The following SAMD5 variants were observed in gnomAD, a reference collection of about 807,000 sequenced individuals.
SAMD5 encodes the protein sterile alpha motif domain-containing protein 5.
In SAMD5, 13 loss-of-function variants were observed where a neutral mutation model predicts 11.3. The ratio of observed to expected loss-of-function variants is 1.15; its 90% CI spans 0.75 to 1.83. The LOEUF is 1.83. Ranked by LOEUF, SAMD5 falls within the 40% of genes most tolerant of loss-of-function variation. The pLI, the probability that SAMD5 is intolerant of heterozygous loss-of-function variation, is 0.00. For synonymous variants in SAMD5, 129 were observed against 111.3 expected (o/e 1.16, Z -1.00); for missense variants, 255 against 239.1 (o/e 1.07, Z -0.44).
At chr6:147,848,153 C>G in the SAMD5 span, among the ~76,000 whole-genome samples, 4 of 152,154 alleles carry the variant, frequency 2.6e-5, 1 homozygote, top group Admixed American at 6.5e-5. Flanking sequence ...TTCTGTTAAG[C>G]TTGTCTTACA....
chr6:147,520,105 G>C (rs1788228769), intron 1 of SAMD5, among the ~76,000 whole-genome samples: 1 of 148,804 alleles, frequency 6.7e-6, no homozygotes, highest in Non-Finnish European at 1.5e-5. Flanking sequence ...AAAATTCTAA[G>C]AGAACTTTAT....
downstream of SAMD5, among the ~76,000 whole-genome samples, chr6:147,571,723 A>G (rs912125465): frequency 2.6e-5 from 4 of 152,180 alleles, no homozygotes; most frequent in Non-Finnish European, 5.9e-5. Context: ...TTCATTTTGG[A>G]AGTTAATTAA....
At chr6:147,559,504 G>T (rs1037583450) in intron 1 of SAMD5, among the ~76,000 whole-genome samples, 2 of 152,260 alleles carry the variant, frequency 1.3e-5, no homozygotes, top group Middle Eastern at 3.4e-3. Flanking sequence ...GTTAGAAACC[G>T]TGTAGAAGCT....
chr6:147,870,797 A>AGAGGGAAGGGGAGGGAGGAG, the SAMD5 span, among the ~76,000 whole-genome samples: 4 of 115,066 alleles, frequency 3.5e-5, no homozygotes, highest in African/African-American at 1.3e-4. Context: ...AAAAAAGGGA[A>AGAGGGAAGGGGAGGGAGGAG]GAGGGAAGGG....
Position 147,563,073 on chromosome 6 carries a change from G to A in SAMD5, c.460-1321G>A, listed in dbSNP as rs116423989. ...ATATATTAAATAGTAGTAGGATATC[G>A]TTACTTAGTATTACAGCAAAATAGG... On this transcript the variant is annotated intron_variant, in intron 1 of 1. Transcript: ENST00000367474. Among the ~76,000 whole-genome samples the A allele has an allele frequency of 9.1e-3, 1,390 of 152,254 alleles. 19 individuals carry two copies. The highest frequency in any genetic ancestry group is 0.031 in the African/African-American group (1,296 of 41,540).
chr6:147,884,477 A>G, the SAMD5 span, among the ~76,000 whole-genome samples: 2 of 152,214 alleles, frequency 1.3e-5, no homozygotes, highest in South Asian at 2.1e-4. Flanking sequence ...ACCTGCCTAC[A>G]GAACTGTAAT....
At chr6:147,800,778 C>T in the SAMD5 span, among the ~76,000 whole-genome samples, 1 of 152,006 alleles carries the variant, frequency 6.6e-6, no homozygotes, top group East Asian at 1.9e-4. Context: ...GAATCAAATC[C>T]ATAAATAATG....
chr6:147,604,530 G>A (rs371848165), intron 1 of SAMD5, among the ~76,000 whole-genome samples: 2 of 152,146 alleles, frequency 1.3e-5, no homozygotes, highest in Non-Finnish European at 2.9e-5. Flanking sequence ...TTTGAAACAC[G>A]TGAGCCCATG....
intron 1 of SAMD5, among the ~76,000 whole-genome samples, chr6:147,587,825 TGTTAAGTTCCTAGAACTTAACCTC>T (rs1437833326): frequency 6.6e-6 from 1 of 152,186 alleles, no homozygotes; most frequent in African/African-American, 2.4e-5. Flanking sequence ...TCACTTATTT[TGTTAAGTTCCTAGAACTTAACCTC>T]CTTTCTCTAT....
At chr6:147,921,663 C>T in the SAMD5 span, among the ~76,000 whole-genome samples, 10 of 152,132 alleles carry the variant, frequency 6.6e-5, no homozygotes, top group African/African-American at 2.4e-4. Context: ...AACCTCCGTG[C>T]ATTGGGAGGT....
chr6:147,728,668 G>A (rs1046332781), intron 1 of SAMD5, among the ~76,000 whole-genome samples: 1 of 151,970 alleles, frequency 6.6e-6, no homozygotes, highest in East Asian at 1.9e-4. Flanking sequence ...AGCAATAGAG[G>A]GAGTTGTAGA....
chr6:147,818,543 G>A, the SAMD5 span, among the ~76,000 whole-genome samples: 1 of 152,222 alleles, frequency 6.6e-6, no homozygotes, highest in Non-Finnish European at 1.5e-5. Flanking sequence ...AGGTTTGGTA[G>A]TGAACTAACA....
At chr6:147,789,096 C>A in the SAMD5 span, among the ~76,000 whole-genome samples, 37 of 101,026 alleles carry the variant, frequency 3.7e-4, no homozygotes, top group South Asian at 1.6e-3. Context: ...AACAAACAAA[C>A]AAACAAAAAA....
the SAMD5 span, among the ~76,000 whole-genome samples, chr6:147,894,272 C>T: frequency 9.2e-5 from 14 of 152,060 alleles, no homozygotes; most frequent in East Asian, 1.9e-4. Flanking sequence ...TACAGGCGCA[C>T]GCCACCACAC....
chr6:147,700,002 G>T (rs1034634661), intron 1 of SAMD5, among the ~76,000 whole-genome samples: 3 of 152,198 alleles, frequency 2.0e-5, no homozygotes, highest in Non-Finnish European at 2.9e-5. Flanking sequence ...TCCAAGTTCA[G>T]TGCCAAATGC....
intron 1 of SAMD5, among the ~76,000 whole-genome samples, chr6:147,556,163 G>T (rs901445803): frequency 3.3e-5 from 5 of 151,842 alleles, no homozygotes; most frequent in Admixed American, 3.3e-4. Flanking sequence ...TGTGATCTTG[G>T]CTCACTGAAA....
intron 1 of SAMD5, among the ~76,000 whole-genome samples, chr6:147,694,112 A>T (rs1176165478): frequency 6.6e-6 from 1 of 152,188 alleles, no homozygotes; most frequent in African/African-American, 2.4e-5. Context: ...TGACTTTATT[A>T]TGATAGTGTG....
the SAMD5 span, among the ~76,000 whole-genome samples, chr6:147,816,579 G>A: frequency 6.6e-6 from 1 of 151,942 alleles, no homozygotes; most frequent in Non-Finnish European, 1.5e-5. Flanking sequence ...TTTGGACACT[G>A]TATTACAAAA....
At chr6:147,687,055 A>G (rs1290140104) in intron 1 of SAMD5, among the ~76,000 whole-genome samples, 1 of 152,136 alleles carries the variant, frequency 6.6e-6, no homozygotes, top group Non-Finnish European at 1.5e-5. Context: ...TTATGGGTTT[A>G]TATTGAATTT....
Sources: gnomAD v4.1 joint callset for allele counts (sites outside exome capture counted in the v4.1 genomes callset) on GRCh38, gnomAD v4.1.1 for gene constraint, MANE v1.5 for transcripts, NCBI Gene and HGNC (gene_info 2026-07-23, HGNC 2026-07-21) for gene names.